USP48: variants seen among roughly 807,000 people sequenced by gnomAD.
The protein encoded by USP48 is ubiquitin specific peptidase 48.
USP48 carries 43 observed loss-of-function variants against 150.7 expected under a neutral mutation model. The ratio of observed to expected loss-of-function variants is 0.29; its 90% CI spans 0.22 to 0.37. The LOEUF (loss-of-function observed/expected upper bound fraction) is 0.37, where lower values mean the gene tolerates loss of function less well. Among genes scored for constraint, USP48 ranks in the 10% least tolerant of loss-of-function variants. USP48 has a pLI of 1.00. For synonymous variants in USP48, 396 were observed against 425.9 expected, an observed-to-expected ratio of 0.93 and a Z score of 0.86; for missense variants, 813 against 1,249.6, an observed-to-expected ratio of 0.65 and a Z score of 5.27.
intron 25 of USP48, chr1:21,686,255 G>A (rs906269566): frequency 6.6e-6 from 1 of 152,160 alleles, no homozygotes; most frequent in Non-Finnish European, 1.5e-5. Context: ...GGCCGTCCTT[G>A]TCTATTCCAG....
intron 5 of USP48, among the ~76,000 whole-genome samples, chr1:21,752,016 C>CAA (rs943113295): frequency 4.4e-4 from 28 of 63,474 alleles, no homozygotes; most frequent in Admixed American, 3.2e-3. Context: ...GAGTCCATCT[C>CAA]AAAAAAAAAA....
At chr1:21,687,346 C>G in intron 24 of USP48, 107 bp from the exon 25 acceptor site, 3 of 1,052,594 alleles carry the variant, frequency 2.9e-6, no homozygotes, top group Non-Finnish European at 2.8e-6. Flanking sequence ...CACAAACACA[C>G]TGTCCAGTAG....
chr1:21,720,794 G>T (rs1011712627), intron 14 of USP48, among the ~76,000 whole-genome samples: 1 of 151,976 alleles, frequency 6.6e-6, no homozygotes, highest in African/African-American at 2.4e-5. Context: ...GCCTCCTAAA[G>T]TGCTGGGATT....
chr1:21,723,184 C>T lies in USP48; in HGVS notation c.1648+714G>A, dbSNP rs114569901. 8.9e-3 allele frequency among the ~76,000 whole-genome samples: 1,354 copies of T among 152,194 alleles called. 19 individuals are homozygous for T. Among genetic ancestry groups the T allele is most frequent in the African/African-American group, 0.031 (1,281 of 41,516 alleles). ...AAGGGAGAATCAAGTAGCTTCCATT[C>T]ATAAACTAAGTAACCATCTACAGCT... On this transcript the variant is annotated intron_variant, in intron 12 of 26. Transcript: ENST00000308271.
intron 9 of USP48, among the ~76,000 whole-genome samples, chr1:21,734,108 T>C (rs533517697): frequency 2.6e-5 from 4 of 152,314 alleles, no homozygotes; most frequent in African/African-American, 9.6e-5. Flanking sequence ...TATTTAAAAG[T>C]AGAAAACAGG....
In USP48 at chr1:21,686,983, A is replaced by G. The variant is rs112509509; in HGVS notation, c.3058+208T>C. The G allele has an allele frequency of 9.5e-4, 544 of 572,392 alleles. 3 individuals carry two copies. The highest frequency in any genetic ancestry group is 8.8e-3 in the African/African-American group (465 of 52,708). The allele number at this position is 572,392 out of a possible 1,614,324, so 35.5% of individuals were successfully genotyped here. A position where few individuals can be genotyped will look rare whatever the true frequency, so the allele number is the denominator to read the frequency against. On this transcript the variant is annotated intron_variant, in intron 25 of 26. Coordinates refer to ENST00000308271, the MANE Select transcript of USP48 (RefSeq NM_032236.8). ...CACAGGCAGAGCTCACATTTATTTCAGTTTCCTCAGGTTAGCTTTCCAAGT... is the reference window on the plus strand; with the variant it reads ...CACAGGCAGAGCTCACATTTATTTCGGTTTCCTCAGGTTAGCTTTCCAAGT...
chr1:21,751,470 A>C (rs1226559493), intron 6 of USP48, 37 bp downstream of exon 6: 3 of 1,482,374 alleles, frequency 2.0e-6, no homozygotes, highest in Non-Finnish European at 2.8e-6. Flanking sequence ...TTAACTGTTA[A>C]TGGGCAGGAA....
At chr1:21,744,428 C>CAGA (rs1491288967) in intron 8 of USP48, among the ~76,000 whole-genome samples, 1 of 146,702 alleles carries the variant, frequency 6.8e-6, no homozygotes, top group Admixed American at 6.9e-5. Context: ...GCCTGGGCGA[C>CAGA]GCAAAATTCT....
At chr1:21,750,417 T>C (rs1424653860) in intron 6 of USP48, among the ~76,000 whole-genome samples, 2 of 152,066 alleles carry the variant, frequency 1.3e-5, no homozygotes. Context: ...CAGCGCCACA[T>C]TCCCTGCTTT....
chr1:21,689,864 C>A, intron 24 of USP48, 110 bp downstream of exon 24: 3 of 1,440,350 alleles, frequency 2.1e-6, no homozygotes, highest in Non-Finnish European at 2.8e-6. Context: ...TTTATCACTA[C>A]CCTCTGCTAA....
At chr1:21,758,712 T>C (rs1021240035) in intron 1 of USP48, among the ~76,000 whole-genome samples, 1 of 151,952 alleles carries the variant, frequency 6.6e-6, no homozygotes, top group Non-Finnish European at 1.5e-5. Flanking sequence ...ATTACACCAC[T>C]GCACTCTGGC....
At chr1:21,775,912 T>G (rs1451872105) in intron 1 of USP48, among the ~76,000 whole-genome samples, 1 of 152,108 alleles carries the variant, frequency 6.6e-6, no homozygotes, top group Non-Finnish European at 1.5e-5. Flanking sequence ...ATCAAAAGAT[T>G]AACTGTAACA....
At chr1:21,681,062 G>A (rs2097564485) in intron 25 of USP48, 3 of 404,254 alleles carry the variant, frequency 7.4e-6, no homozygotes, top group African/African-American at 2.2e-5. Flanking sequence ...ATACTGACAG[G>A]ACAAGGTTTG....
At chr1:21,735,326 G>A (rs534879228) in intron 9 of USP48, among the ~76,000 whole-genome samples, 6 of 152,340 alleles carry the variant, frequency 3.9e-5, no homozygotes, top group African/African-American at 1.4e-4. Context: ...CTACCTGGGC[G>A]TGGTAGCTCA....
intron 25 of USP48, among the ~76,000 whole-genome samples, chr1:21,681,907 C>G (rs1196895798): frequency 3.9e-5 from 6 of 152,190 alleles, no homozygotes; most frequent in Non-Finnish European, 5.9e-5. Context: ...ATCATCCCTT[C>G]CACTTTTCCT....
rs550864936 is a variant in USP48 at position 21,756,437 on chromosome 1, C to T, written c.412+109G>A. 2.7e-5 allele frequency: 35 copies of T among 1,292,090 alleles called. No homozygotes were observed. The African/African-American group carries it at 4.2e-4, about 16-fold the overall frequency. 80.0% of individuals were successfully genotyped at this position (1,292,090 alleles called of 1,614,324 possible). On this transcript the variant is annotated intron_variant, in intron 3 of 26. Transcript: ENST00000308271. ...CAGACGTTGCAGTGAACCGAGATGG[C>T]GCCACTTCACTCTGGCTTGGGAAAC...
chr1:21,717,847 C>T (rs1028329453), intron 14 of USP48, among the ~76,000 whole-genome samples: 2 of 151,912 alleles, frequency 1.3e-5, no homozygotes, highest in Non-Finnish European at 2.9e-5. Context: ...CCAGCTACTC[C>T]GGAGGCTGAG....
chr1:21,706,412 G>C lies in USP48; in HGVS notation c.2211+55C>G. On this transcript the variant is annotated intron_variant, in intron 17 of 26. Transcript: ENST00000308271. Reference sequence around the variant, plus strand: ...TTCTGAAATAGCTCACTGGGAATTTGGCAAGGGCTTTAAAAAGAAAAGATG... The same window carrying C: ...TTCTGAAATAGCTCACTGGGAATTTCGCAAGGGCTTTAAAAAGAAAAGATG... 3 of 1,609,414 alleles carry C rather than the reference G, an allele frequency of 1.9e-6. No individual in the cohort carries two copies. The South Asian group carries it at 3.3e-5, about 18-fold the overall frequency.
At chr1:21,767,027 G>A (rs1008416700) in intron 1 of USP48, among the ~76,000 whole-genome samples, 7 of 152,042 alleles carry the variant, frequency 4.6e-5, no homozygotes, top group Non-Finnish European at 1.0e-4. Flanking sequence ...TCATGCCATT[G>A]TACTCCAGCC....
Sources: gnomAD v4.1 joint callset for allele counts (sites outside exome capture counted in the v4.1 genomes callset) on GRCh38, gnomAD v4.1.1 for gene constraint, MANE v1.5 for transcripts, NCBI Gene and HGNC (gene_info 2026-07-23, HGNC 2026-07-21) for gene names.